Variants in MEGF11 observed in about 807,000 individuals in gnomAD.
MEGF11 encodes multiple EGF like domains 11.
MEGF11 carries 126 observed loss-of-function variants against 146.6 expected under a neutral mutation model. That is an observed-to-expected ratio of 0.86 (90% CI 0.74 to 1.00). The LOEUF (loss-of-function observed/expected upper bound fraction) is 1.00. Among genes scored for constraint, MEGF11 ranks in the 50% least tolerant of loss-of-function variants. MEGF11 has a pLI of 0.00. For synonymous variants in MEGF11, 532 were observed against 583.4 expected, an observed-to-expected ratio of 0.91 and a Z score of 1.27; for missense variants, 1,509 against 1,521.2, an observed-to-expected ratio of 0.99 and a Z score of 0.13.
In MEGF11 at chr15:65,929,734, C is replaced by T; in HGVS notation, c.1558G>A (p.Glu520Lys). Reference sequence around the variant, plus strand: ...CTGGCACTCACCGGGCAAGGCAGCTCACAGGTGTCTCCCAGCCAGCCAGGA... The same window carrying T: ...CTGGCACTCACCGGGCAAGGCAGCTTACAGGTGTCTCCCAGCCAGCCAGGA... Reference protein sequence around the residue: ...CTPGWLGDTCELPCPDGTFGL... With the variant: ...CTPGWLGDTCKLPCPDGTFGL... Residue 520 changes from glutamate to lysine, a missense_variant, in exon 12 of 26, where the codon GAG becomes AAG. By Grantham distance (56) the Glu-to-Lys change is moderately conservative. Transcript: ENST00000395614. The T allele has an allele frequency of 6.4e-7, 1 of 1,551,796 alleles. No individual in the cohort carries two copies. The highest frequency in any genetic ancestry group is 8.7e-7 in the Non-Finnish European group (1 of 1,147,088).
intron 1 of MEGF11, among the ~76,000 whole-genome samples, chr15:66,207,060 A>G (rs1467784392): frequency 2.6e-5 from 4 of 152,196 alleles, no homozygotes; most frequent in Non-Finnish European, 4.4e-5. Flanking sequence ...GAAAGCCATA[A>G]TACGCCATGA....
At chr15:65,945,788 A>T (rs1352772964) in intron 10 of MEGF11, among the ~76,000 whole-genome samples, 1 of 152,106 alleles carries the variant, frequency 6.6e-6, no homozygotes, top group African/African-American at 2.4e-5. Flanking sequence ...TCCTGGCTCC[A>T]TCACCCCCAA....
intron 5 of MEGF11, among the ~76,000 whole-genome samples, chr15:66,080,922 C>T (rs753374864): frequency 1.7e-4 from 26 of 152,170 alleles, no homozygotes; most frequent in Non-Finnish European, 3.7e-4. Context: ...GAGCTGCACG[C>T]GAGGAACAGT....
At chr15:66,214,173 T>C (rs2091531284) in intron 1 of MEGF11, among the ~76,000 whole-genome samples, 1 of 151,916 alleles carries the variant, frequency 6.6e-6, no homozygotes, top group South Asian at 2.1e-4. Flanking sequence ...GTAGCTGGGA[T>C]TACAGGTGCC....
chr15:66,063,574 G>A (rs957848533), intron 5 of MEGF11, among the ~76,000 whole-genome samples: 8 of 152,178 alleles, frequency 5.3e-5, no homozygotes, highest in Non-Finnish European at 1.2e-4. Flanking sequence ...CCTACTGAGT[G>A]TGTGCACGGC....
chr15:66,138,274 T>C (rs2088984744), intron 1 of MEGF11, among the ~76,000 whole-genome samples: 1 of 152,106 alleles, frequency 6.6e-6, no homozygotes, highest in African/African-American at 2.4e-5. Context: ...TAGGGGAGCC[T>C]CCCAGCCAGC....
intron 4 of MEGF11, among the ~76,000 whole-genome samples, chr15:66,118,229 G>T (rs942047541): frequency 1.3e-5 from 2 of 151,996 alleles, no homozygotes; most frequent in Non-Finnish European, 2.9e-5. Flanking sequence ...CATGTCACTG[G>T]GTCAGAGGTG....
intron 25 of MEGF11, 130 bp from the exon 26 acceptor site, chr15:65,898,224 G>T: frequency 6.9e-7 from 1 of 1,442,520 alleles, no homozygotes; most frequent in Middle Eastern, 1.9e-4. Flanking sequence ...AATACATGAG[G>T]GTTAGGACTG....
chr15:65,896,858 T>C lies in MEGF11; in HGVS notation c.*1076A>G, dbSNP rs2078367983. 2 of 152,240 alleles carry C rather than the reference T, an allele frequency of 1.3e-5. No individual in the cohort carries two copies. Among genetic ancestry groups the C allele is most frequent in the South Asian group, 4.1e-4 (2 of 4,828 alleles). The allele number at this position is 152,240 out of a possible 1,614,324, so 9.4% of individuals were successfully genotyped here. A position where few individuals can be genotyped will look rare whatever the true frequency, so the allele number is the denominator to read the frequency against. On this transcript the variant is annotated 3_prime_UTR_variant, in exon 26 of 26. Coordinates refer to ENST00000395614, the MANE Select transcript of MEGF11 (RefSeq NM_001385028.1). The stretch of plus-strand genomic sequence containing the variant: ...GCAACTGGTTACAGTCCATTCTTTT[T>C]TTGATCATTTAGTTCCATTAAAAAG...
At chr15:65,991,136 T>G (rs1170105779) in intron 5 of MEGF11, among the ~76,000 whole-genome samples, 4 of 152,166 alleles carry the variant, frequency 2.6e-5, no homozygotes, top group African/African-American at 9.7e-5. Context: ...ATACCTCCCT[T>G]AAACCTCCAA....
intron 8 of MEGF11, chr15:65,966,948 G>A (rs1231072763): frequency 6.6e-6 from 1 of 151,948 alleles, no homozygotes; most frequent in Admixed American, 6.6e-5. Flanking sequence ...TGGAGGAATA[G>A]GGGTAAAAGA....
chr15:66,108,435 T>C (rs1053116537), intron 4 of MEGF11, among the ~76,000 whole-genome samples: 3 of 152,108 alleles, frequency 2.0e-5, no homozygotes, highest in Admixed American at 6.5e-5. Context: ...ACAGAAATTT[T>C]AAAAATGTAT....
intron 4 of MEGF11, among the ~76,000 whole-genome samples, chr15:66,099,644 A>T (rs2086703841): frequency 6.6e-6 from 1 of 152,206 alleles, no homozygotes; most frequent in South Asian, 2.1e-4. Context: ...TGACTTGGTT[A>T]TTGCACAGAG....
chr15:66,025,191 ACC>A (rs1437079512), intron 5 of MEGF11, among the ~76,000 whole-genome samples: 2 of 152,146 alleles, frequency 1.3e-5, no homozygotes, highest in African/African-American at 4.8e-5. Flanking sequence ...TCTATGCAAA[ACC>A]TGGGCCAGTG....
chr15:65,905,782 GTAC>G (rs2078608952), intron 24 of MEGF11: 2 of 275,410 alleles, frequency 7.3e-6, no homozygotes, highest in African/African-American at 2.2e-5. Context: ...AATTTAACTC[GTAC>G]TAATTGGTTG....
Position 65,913,880 on chromosome 15 carries a change from A to C in MEGF11, c.2567T>G (p.Met856Arg), listed in dbSNP as rs1459117863. 7 of 1,613,986 alleles carry C rather than the reference A, an allele frequency of 4.3e-6. No individual in the cohort carries two copies. In the South Asian group the frequency reaches 7.7e-5, roughly 18 times the overall value. ...RHSVGAVTGI[M>R]LLLFLIVVLL... ...CACCACAATGAGGAATAACAGGAGC[A>C]TGATGCCTGTGACAGCACCCACCGA... Residue 856 changes from methionine (M) to arginine (R), a missense_variant, in exon 20 of 26, where the codon ATG becomes AGG. Transcript: ENST00000395614.
chr15:66,107,323 G>A (rs752285316), intron 4 of MEGF11, among the ~76,000 whole-genome samples: 8 of 152,246 alleles, frequency 5.3e-5, no homozygotes, highest in Admixed American at 2.0e-4. Context: ...GGGCCACTCA[G>A]CAGCCCTCAC....
intron 1 of MEGF11, among the ~76,000 whole-genome samples, chr15:66,165,315 C>G (rs2090066240): frequency 6.6e-6 from 1 of 152,080 alleles, no homozygotes; most frequent in Admixed American, 6.5e-5. Flanking sequence ...GAGGTGAAGC[C>G]ACGGACTCAC....
chr15:66,229,288 T>C (rs1263875497), intron 1 of MEGF11, among the ~76,000 whole-genome samples: 2 of 151,920 alleles, frequency 1.3e-5, no homozygotes, highest in East Asian at 3.9e-4. Context: ...CCAGCCCCAA[T>C]GCGCACCAGG....
Sources: gnomAD v4.1 joint callset for allele counts (sites outside exome capture counted in the v4.1 genomes callset) on GRCh38, gnomAD v4.1.1 for gene constraint, MANE v1.5 for transcripts, NCBI Gene and HGNC (gene_info 2026-07-23, HGNC 2026-07-21) for gene names.